Variants in POLR1C observed in about 807,000 individuals in gnomAD.
POLR1C encodes RNA polymerase I and III subunit C.
POLR1C carries 42 observed loss-of-function variants against 38.3 expected under a neutral mutation model. That is an observed-to-expected ratio of 1.10 (90% confidence interval 0.86 to 1.42). The LOEUF (loss-of-function observed/expected upper bound fraction) is 1.42, where lower values mean the gene tolerates loss of function less well. Among genes scored for constraint, POLR1C ranks in the 40% most tolerant of loss-of-function variants. POLR1C has a pLI of 0.00. For missense variants in POLR1C, 507 were observed against 450.5 expected, an observed-to-expected ratio of 1.13 and a Z score of -1.14; for synonymous variants, 163 against 163.9, an observed-to-expected ratio of 0.99 and a Z score of 0.04.
At chr6:43,539,644 C>T in intron 9 of POLR1C, 1 of 1,308,612 alleles carries the variant, frequency 7.6e-7, no homozygotes, top group Non-Finnish European at 1.1e-6. Flanking sequence ...CACCGCGGTT[C>T]CCCATCCCAG....
downstream of POLR1C, chr6:43,530,727 A>C (rs924200278): frequency 3.7e-6 from 6 of 1,613,988 alleles, no homozygotes; most frequent in Non-Finnish European, 4.2e-6. Flanking sequence ...ATATTGTTCA[A>C]GTTGACAAAG....
At chr6:43,547,556 C>A (rs1582221669) in intron 9 of POLR1C, 4 of 1,549,966 alleles carry the variant, frequency 2.6e-6, no homozygotes, top group East Asian at 4.5e-5. Context: ...AAAGACAACA[C>A]CCTACTCCTA....
downstream of POLR1C, chr6:43,525,027 C>T (rs1188654809): frequency 6.3e-7 from 1 of 1,593,030 alleles, no homozygotes; most frequent in Non-Finnish European, 8.5e-7. Flanking sequence ...CTCAGCACCC[C>T]AGTTCTTCTG....
At chr6:43,532,835 C>T (rs754627168), downstream of POLR1C, among the ~76,000 whole-genome samples, 3 of 152,184 alleles carry the variant, frequency 2.0e-5, no homozygotes, top group Non-Finnish European at 4.4e-5. Context: ...TGAATTAAAG[C>T]AGTATCCTAA....
intron 2 of POLR1C, 59 bp downstream of exon 2, chr6:43,517,436 C>T (rs960652342): frequency 1.4e-6 from 2 of 1,415,786 alleles, no homozygotes; most frequent in Non-Finnish European, 2.0e-6. Flanking sequence ...GTGGTCTGAG[C>T]AGCCTGTGTC....
chr6:43,545,913 C>G (rs1034260900), intron 9 of POLR1C, among the ~76,000 whole-genome samples: 5 of 152,016 alleles, frequency 3.3e-5, no homozygotes, highest in African/African-American at 1.2e-4. Context: ...AACAGTGATT[C>G]TGAATGTTTA....
intron 8 of POLR1C, chr6:43,528,352 G>A (rs1793730092): frequency 1.3e-6 from 1 of 746,532 alleles, no homozygotes; most frequent in Non-Finnish European, 2.2e-6. Context: ...ACACCACAAG[G>A]TTAAAAAAAA....
At chr6:43,534,862 G>A (rs1271942203) in intron 9 of POLR1C, among the ~76,000 whole-genome samples, 1 of 152,018 alleles carries the variant, frequency 6.6e-6, no homozygotes, top group Non-Finnish European at 1.5e-5. Context: ...GATGGGTGTG[G>A]TGGTGCATGC....
At chr6:43,520,832 G>A in intron 7 of POLR1C, 58 bp downstream of exon 7, 3 of 1,608,532 alleles carry the variant, frequency 1.9e-6, no homozygotes, top group South Asian at 1.1e-5. Flanking sequence ...CTTTCAAGGT[G>A]ACAGAAATAA....
At position 43,549,473 on chromosome 6, in the gene POLR1C, G is replaced by A. The variant is rs748262807; in HGVS notation, c.*5-1495G>A. ...TAACCAAACTTGGCTACTTCAGCCA[G>A]GGTCCAGCAGCTTACCAGCACAAGC... On this transcript the variant is annotated intron_variant, in intron 9 of 10. Transcript: ENST00000607635. 7 of 1,586,560 alleles carry A rather than the reference G, an allele frequency of 4.4e-6. No homozygotes were observed. The African/African-American group carries it at 5.5e-5, about 12-fold the overall frequency.
chr6:43,517,647 G>C (rs939931502), intron 2 of POLR1C, among the ~76,000 whole-genome samples: 2 of 152,162 alleles, frequency 1.3e-5, no homozygotes, highest in Non-Finnish European at 2.9e-5. Flanking sequence ...AGACGGCAGG[G>C]TTGGGGTGGG....
chr6:43,520,840 TAA>T (rs1003164445), intron 7 of POLR1C, 66 bp downstream of exon 7: 2 of 1,601,642 alleles, frequency 1.2e-6, no homozygotes, highest in East Asian at 2.2e-5. Context: ...GTGACAGAAA[TAA>T]AAACCCTGGG....
intron 10 of POLR1C, among the ~76,000 whole-genome samples, chr6:43,557,297 G>A (rs1249502808): frequency 2.0e-5 from 3 of 151,220 alleles, no homozygotes; most frequent in East Asian, 1.9e-4. Context: ...ATGATGGCAC[G>A]TGTGTGTAGT....
intron 9 of POLR1C, among the ~76,000 whole-genome samples, chr6:43,542,665 A>T (rs1561873038): frequency 6.6e-6 from 1 of 152,006 alleles, no homozygotes; most frequent in East Asian, 1.9e-4. Flanking sequence ...ACCTCAAGTG[A>T]TTCACCTGCT....
intron 10 of POLR1C, chr6:43,555,756 A>G: frequency 3.8e-6 from 6 of 1,566,980 alleles, no homozygotes; most frequent in Non-Finnish European, 5.2e-6. Context: ...TGATGTGTGT[A>G]TAGCTCAGGC....
At chr6:43,541,492 A>ATATTTAATACTT in intron 9 of POLR1C, among the ~76,000 whole-genome samples, 1 of 152,238 alleles carries the variant, frequency 6.6e-6, no homozygotes, top group South Asian at 2.1e-4. Flanking sequence ...AATACTTTCA[A>ATATTTAATACTT]AGGGTTGCAT....
chr6:43,520,353 A>G lies in POLR1C; in HGVS notation c.581A>G (p.His194Arg), dbSNP rs776965617. ...CCAGAGGGCACTATCCGACCAGTGC[A>G]TGATGATATCCTCATCGCTCAGCTG... Reference protein sequence around the residue: ...LFPEGTIRPVHDDILIAQLRP... With the variant: ...LFPEGTIRPVRDDILIAQLRP... The change falls in exon 6 of 9, where the codon CAT becomes CGT. Residue 194 changes from histidine to arginine, a missense_variant. His to Arg is a conservative substitution (Grantham distance 29). Transcript: ENST00000642195. 7 of 1,613,654 alleles carry G rather than the reference A, an allele frequency of 4.3e-6. No individual in the cohort carries two copies. In the African/African-American group the frequency reaches 5.3e-5, roughly 12 times the overall value.
At chr6:43,518,174 A>G (rs1162261498) in intron 2 of POLR1C, among the ~76,000 whole-genome samples, 2 of 152,194 alleles carry the variant, frequency 1.3e-5, no homozygotes, top group East Asian at 1.9e-4. Flanking sequence ...GAGATTTGCA[A>G]CCTTGGTGGC....
chr6:43,522,633 T>G (rs538415869), downstream of POLR1C: 31 of 413,866 alleles, frequency 7.5e-5, no homozygotes, highest in Admixed American at 2.5e-4. Context: ...CAGCTTTGCT[T>G]CTTCTCAATC....
Sources: allele counts gnomAD v4.1 joint callset (sites outside exome capture counted in the v4.1 genomes callset), GRCh38; gene constraint gnomAD v4.1.1; transcripts MANE v1.5; gene names NCBI Gene and HGNC (gene_info 2026-07-23, HGNC 2026-07-21).